The following MAP4 variants were observed in gnomAD, a reference collection of about 807,000 sequenced individuals.
MAP4 encodes microtubule-associated protein 4.
MAP4 carries 76 observed loss-of-function variants against 170.2 expected under a neutral mutation model. The observed-to-expected ratio is 0.45, with a 90% confidence interval of 0.37 to 0.54. The LOEUF (loss-of-function observed/expected upper bound fraction) is 0.54, where lower values mean the gene tolerates loss of function less well. Ranked by LOEUF, MAP4 falls within the 20% of genes least tolerant of loss-of-function variation. The pLI, the probability that MAP4 is intolerant of heterozygous loss-of-function variation, is 0.00. For synonymous variants in MAP4, 909 were observed against 994.5 expected, an observed-to-expected ratio of 0.91 and a Z score of 1.62; for missense variants, 2,506 against 2,748.0, an observed-to-expected ratio of 0.91 and a Z score of 1.97.
chr3:47,949,804 CTG>C (rs2100062510), intron 3 of MAP4, among the ~76,000 whole-genome samples: 1 of 152,214 alleles, frequency 6.6e-6, no homozygotes, highest in South Asian at 2.1e-4. Context: ...CCTGGTTCCA[CTG>C]TGTTTTCCTC....
intron 5 of MAP4, 55 bp downstream of exon 5, chr3:47,921,709 TA>T: frequency 2.0e-6 from 2 of 1,012,870 alleles, no homozygotes; most frequent in East Asian, 4.8e-5. Flanking sequence ...CAAAGATGAG[TA>T]AAGAAAAAAT....
chr3:48,039,290 C>G (rs1333018146), intron 1 of MAP4: 2 of 152,632 alleles, frequency 1.3e-5, no homozygotes, highest in Non-Finnish European at 2.9e-5. Flanking sequence ...ATCTCCCTCC[C>G]TCTCCAGAAA....
At chr3:47,860,716 G>A (rs182784841) in intron 17 of MAP4, among the ~76,000 whole-genome samples, 16 of 152,174 alleles carry the variant, frequency 1.1e-4, no homozygotes, top group Non-Finnish European at 1.9e-4. Context: ...AGAGACAACC[G>A]AAGAATGAGA....
At position 47,921,850 on chromosome 3, in the gene MAP4, G is replaced by A; in HGVS notation, c.444C>T (p.Asp148=). The part of the protein sequence containing the change: ...TDPFKMYHDD[D]LADLVFPSSA... ...TGGAGGGAAAGACCAAATCTGCCAG[G>A]TCATCATCATGGTACATCTTAAAGG... Residue 148 remains aspartate, a synonymous_variant, in exon 5 of 21, where the codon GAC becomes GAT. Coordinates refer to ENST00000683076, the MANE Select transcript of MAP4 (RefSeq NM_001385682.1). The A allele has an allele frequency of 6.3e-7, 1 of 1,595,746 alleles. No homozygotes were observed. Among genetic ancestry groups the A allele is most frequent in the Non-Finnish European group, 8.6e-7 (1 of 1,163,354 alleles).
rs760198431 is a variant in MAP4 at position 47,909,339 on chromosome 3, T to G, written c.5082A>C (p.Ser1694=). 2 of 1,613,912 alleles carry G rather than the reference T, an allele frequency of 1.2e-6. No homozygotes were observed. Among genetic ancestry groups the G allele is most frequent in the Non-Finnish European group, 1.7e-6 (2 of 1,179,806 alleles). The change falls in exon 9 of 21, where the codon TCA becomes TCC. Residue 1694 remains serine, a synonymous_variant. Transcript: ENST00000683076. ...SVSLPTPEIQ[S]DFLHSKVEAP... The stretch of plus-strand genomic sequence containing the variant: ...CTTCGACTTTGCTATGTAAGAAATC[T>G]GACTGGATTTCTGGTGTTGGCAAGG...
intron 1 of MAP4, among the ~76,000 whole-genome samples, chr3:48,015,565 AT>A (rs928810655): frequency 1.1e-4 from 17 of 151,300 alleles, no homozygotes; most frequent in African/African-American, 3.2e-4. Flanking sequence ...TCAACATCAG[AT>A]TTTTTTTTAG....
chr3:48,078,402 C>T (rs1378936189), intron 1 of MAP4, among the ~76,000 whole-genome samples: 1 of 151,476 alleles, frequency 6.6e-6, no homozygotes, highest in Non-Finnish European at 1.5e-5. Context: ...AGCAATCCTC[C>T]CACCTCAGCC....
At chr3:47,893,564 A>G (rs973929399) in intron 10 of MAP4, among the ~76,000 whole-genome samples, 1 of 152,182 alleles carries the variant, frequency 6.6e-6, no homozygotes, top group African/African-American at 2.4e-5. Flanking sequence ...TGTATATTCA[A>G]ACTGAAGGAA....
chr3:47,974,918 G>A, intron 3 of MAP4: 12 of 985,548 alleles, frequency 1.2e-5, no homozygotes, highest in Non-Finnish European at 1.4e-5. Context: ...TAGGTAGCCT[G>A]TAAGATTAAC....
chr3:48,019,785 C>T (rs1013798685), upstream of MAP4, among the ~76,000 whole-genome samples: 3 of 152,064 alleles, frequency 2.0e-5, no homozygotes, highest in Non-Finnish European at 4.4e-5. Flanking sequence ...CTGAGGTGGA[C>T]GGATCACTTC....
rs774197110 is a variant in MAP4 at position 47,867,355 on chromosome 3, T to C, written c.6409-17A>G. On this transcript the variant is annotated splice_polypyrimidine_tract_variant and intron_variant, in intron 16 of 20. Coordinates refer to ENST00000683076, the MANE Select transcript of MAP4 (RefSeq NM_001385682.1). ...TATCTGGACCTGGAGTGTTAGAAAA[T>C]AGAAAAAACAACACAAAGGGAGAGG... 7 of 1,557,538 alleles carry C rather than the reference T, an allele frequency of 4.5e-6. No individual in the cohort carries two copies. Among genetic ancestry groups the C allele is most frequent in the African/African-American group, 1.4e-5 (1 of 73,464 alleles).
intron 1 of MAP4, among the ~76,000 whole-genome samples, chr3:48,015,810 TCA>T (rs1218568283): frequency 6.6e-6 from 1 of 152,228 alleles, no homozygotes; most frequent in East Asian, 1.9e-4. Flanking sequence ...CTTACACAGT[TCA>T]CAGACACATA....
intron 2 of MAP4, among the ~76,000 whole-genome samples, chr3:47,979,901 T>C (rs546681264): frequency 1.4e-4 from 22 of 152,312 alleles, no homozygotes; most frequent in African/African-American, 4.6e-4. Flanking sequence ...CGTGGCTCAC[T>C]GGAGCCTCGA....
intron 10 of MAP4, among the ~76,000 whole-genome samples, chr3:47,885,985 C>T (rs573139297): frequency 8.5e-5 from 13 of 152,204 alleles, no homozygotes; most frequent in Admixed American, 1.3e-4. Context: ...GCCTCGGCCT[C>T]CCAAAGTGTT....
chr3:47,997,276 CAAG>C lies in MAP4; in HGVS notation c.223+1359_223+1361del, dbSNP rs201380283. Among the ~76,000 whole-genome samples the C allele has an allele frequency of 3.1e-3, 338 of 109,276 alleles. 17 individuals carry two copies. In the East Asian group the frequency reaches 0.071, roughly 23 times the overall value. 71.7% of individuals were successfully genotyped at this position (109,276 alleles called of 152,430 possible). On this transcript the variant is annotated intron_variant, in intron 2 of 20. Coordinates refer to ENST00000683076, the MANE Select transcript of MAP4 (RefSeq NM_001385682.1). ...ACAGATCAAGAAGCTCAGAAAAGCC[CAAG>C]AAGAAAACTTCCAAAATATCATCTA...
chr3:48,053,876 A>T (rs1321057382), intron 1 of MAP4, among the ~76,000 whole-genome samples: 1 of 152,238 alleles, frequency 6.6e-6, no homozygotes, highest in Non-Finnish European at 1.5e-5. Flanking sequence ...TCACAAGAAA[A>T]ATATGTATAT....
chr3:47,930,167 C>A (rs535803667), intron 3 of MAP4, among the ~76,000 whole-genome samples: 3 of 152,088 alleles, frequency 2.0e-5, no homozygotes, highest in African/African-American at 7.2e-5. Context: ...AAAGACAGGC[C>A]GGGCGCGGTG....
At chr3:47,860,116 A>T (rs1427079171) in intron 17 of MAP4, among the ~76,000 whole-genome samples, 1 of 152,190 alleles carries the variant, frequency 6.6e-6, no homozygotes, top group Non-Finnish European at 1.5e-5. Flanking sequence ...AATGGTGACA[A>T]GCTCATCTTA....
At chr3:47,921,950 TTTC>T in intron 4 of MAP4, 72 bp from the exon 5 acceptor site, 2 of 773,180 alleles carry the variant, frequency 2.6e-6, no homozygotes, top group African/African-American at 1.8e-5. Flanking sequence ...TCTTTCTTTC[TTTC>T]TTTTTTTTTT....
Sources: gnomAD v4.1 joint callset for allele counts (sites outside exome capture counted in the v4.1 genomes callset) on GRCh38, gnomAD v4.1.1 for gene constraint, MANE v1.5 for transcripts, NCBI Gene and HGNC (gene_info 2026-07-23, HGNC 2026-07-21) for gene names.